The following AHCTF1 variants were observed in gnomAD, a reference collection of about 807,000 sequenced individuals.
AHCTF1 encodes the protein protein ELYS.
In AHCTF1, 24 loss-of-function variants were observed where a neutral mutation model predicts 248.4. The ratio of observed to expected loss-of-function variants is 0.10; its 90% CI spans 0.07 to 0.14. The LOEUF is 0.14. Among genes scored for constraint, AHCTF1 ranks in the 10% least tolerant of loss-of-function variants. The pLI, the probability that AHCTF1 is intolerant of heterozygous loss-of-function variation, is 1.00. For synonymous variants in AHCTF1, 786 were observed against 929.8 expected (o/e 0.85, Z 2.81); for missense variants, 2,206 against 2,636.2 (o/e 0.84, Z 3.57).
chr1:246,903,837 CAA>C (rs34620854), intron 7 of AHCTF1, 110 bp downstream of exon 7: 59,411 of 610,856 alleles, frequency 0.097, 1 homozygote, highest in South Asian at 0.13. Flanking sequence ...GACTCTGTCT[CAA>C]AAAAAAAAAA....
intron 3 of AHCTF1, 37 bp downstream of exon 3, chr1:246,916,105 G>T (rs969394564): frequency 7.6e-6 from 12 of 1,587,820 alleles, no homozygotes; most frequent in Non-Finnish European, 1.0e-5. Flanking sequence ...GTTCAGTTTT[G>T]AAAGAGAAAT....
intron 8 of AHCTF1, 113 bp downstream of exon 8, chr1:246,902,412 T>C (rs1665068577): frequency 7.6e-7 from 1 of 1,317,408 alleles, no homozygotes; most frequent in African/African-American, 1.5e-5. Context: ...TAAATTCCGT[T>C]AATTACTATT....
chr1:246,924,360 C>T (rs553970951), intron 1 of AHCTF1, among the ~76,000 whole-genome samples: 1 of 152,162 alleles, frequency 6.6e-6, no homozygotes, highest in East Asian at 1.9e-4. Context: ...ACAGAGATAT[C>T]TGAAATATTC....
In AHCTF1 at chr1:246,849,916, G is replaced by T. The variant is rs1454584852; in HGVS notation, c.6090C>A (p.Ser2030=). The T allele has an allele frequency of 1.2e-6, 2 of 1,613,928 alleles. No individual in the cohort carries two copies. The highest frequency in any genetic ancestry group is 1.7e-6 in the Non-Finnish European group (2 of 1,179,856). ...VDVGKPALGK[S]ILVPNEELSM... ...AAAGTTCCTCGTTTGGCACTAAAAT[G>T]GATTTTCCTAAAGCTGGTTTTCCAA... The change falls in exon 33 of 36, where the codon TCC becomes TCA. Residue 2030 remains serine, a synonymous_variant. Coordinates refer to ENST00000648844, the MANE Select transcript of AHCTF1 (RefSeq NM_001323342.2).
intron 14 of AHCTF1, among the ~76,000 whole-genome samples, chr1:246,894,388 C>T (rs946091648): frequency 4.6e-5 from 7 of 152,144 alleles, no homozygotes; most frequent in South Asian, 2.1e-4. Flanking sequence ...CTGGCTAACA[C>T]GGTGAAACCC....
chr1:246,844,988 T>C (rs1660145352), intron 33 of AHCTF1, among the ~76,000 whole-genome samples: 1 of 152,150 alleles, frequency 6.6e-6, no homozygotes, highest in Admixed American at 6.5e-5. Context: ...ATAGGGTTAA[T>C]AGTAGCATCT....
chr1:246,860,883 A>AGAAAT lies in AHCTF1; in HGVS notation c.4132+11_4132+15dup. 1 of 1,594,830 alleles carries AGAAAT rather than the reference A, an allele frequency of 6.3e-7. No individual in the cohort carries two copies. Among genetic ancestry groups the AGAAAT allele is most frequent in the Middle Eastern group, 1.7e-4 (1 of 5,950 alleles). On this transcript the variant is annotated intron_variant, in intron 29 of 35. Transcript: ENST00000648844. Reference sequence around the variant, plus strand: ...ACATTAATAACAATTTTGAGTATTCAGAAATGAGTTCTTACCCATTTGTTT... The same window carrying AGAAAT: ...ACATTAATAACAATTTTGAGTATTCAGAAATGAAATGAGTTCTTACCCATTTGTTT...
At chr1:246,867,176 A>T in intron 26 of AHCTF1, 68 bp downstream of exon 26, 1 of 764,652 alleles carries the variant, frequency 1.3e-6, no homozygotes, top group Non-Finnish European at 2.0e-6. Flanking sequence ...TGTTAAAGAT[A>T]ATTAAAAATT....
At chr1:246,928,679 C>T (rs1305142785) in intron 1 of AHCTF1, among the ~76,000 whole-genome samples, 1 of 152,158 alleles carries the variant, frequency 6.6e-6, no homozygotes, top group African/African-American at 2.4e-5. Context: ...TACACAAATT[C>T]CTGCAGTAAC....
intron 2 of AHCTF1, among the ~76,000 whole-genome samples, chr1:246,917,157 G>A (rs2103225902): frequency 6.6e-6 from 1 of 152,322 alleles, no homozygotes; most frequent in Middle Eastern, 3.4e-3. Flanking sequence ...CAGAGTAGCC[G>A]CACTGGGTGG....
chr1:246,910,033 A>C (rs1665690150), intron 4 of AHCTF1, among the ~76,000 whole-genome samples: 1 of 152,230 alleles, frequency 6.6e-6, no homozygotes, highest in Non-Finnish European at 1.5e-5. Context: ...TCACTAATTG[A>C]AACTACTAGA....
chr1:246,852,859 GGGACTATGGGCA>G (rs1660812498), intron 32 of AHCTF1, among the ~76,000 whole-genome samples: 2 of 151,936 alleles, frequency 1.3e-5, no homozygotes. Flanking sequence ...CCAAGTAGCT[GGGACTATGGGCA>G]CCCGCCACAG....
intron 20 of AHCTF1, among the ~76,000 whole-genome samples, chr1:246,886,091 G>C (rs533162268): frequency 6.6e-6 from 1 of 152,274 alleles, no homozygotes; most frequent in Non-Finnish European, 1.5e-5. Context: ...AGCACTTTGG[G>C]AGGCTGAGGT....
rs932614601 is a variant in AHCTF1, at chr1:246,868,612, A to T, written c.3089-801T>A. On this transcript the variant is annotated intron_variant, in intron 24 of 35. Coordinates refer to ENST00000648844, the MANE Select transcript of AHCTF1 (RefSeq NM_001323342.2). ...GGAAGTTGGGCTTTTGGTAAGTGGT[A>T]AAAAAAAAAAAAAAAAAAGTTATTC... Among the ~76,000 whole-genome samples the T allele has an allele frequency of 6.7e-4, 26 of 38,550 alleles. No homozygotes were observed. The African/African-American group carries it at 0.018, about 26-fold the overall frequency. 25.3% of individuals were successfully genotyped at this position (38,550 alleles called of 152,430 possible). A position where few individuals can be genotyped will look rare whatever the true frequency, so the allele number is the denominator to read the frequency against.
chr1:246,891,417 A>C (rs935025373), intron 15 of AHCTF1, among the ~76,000 whole-genome samples: 5 of 152,204 alleles, frequency 3.3e-5, no homozygotes, highest in African/African-American at 1.2e-4. Flanking sequence ...AGATTGTTCA[A>C]AACAGGCATT....
At position 246,855,086 on chromosome 1, in the gene AHCTF1, A is replaced by T. The variant is rs544773660; in HGVS notation, c.4354+644T>A. ...TTCATAATGTACCAGGAACAAAGGC[A>T]TAACAGTTGAGAGCATGGGCTCTAG... On this transcript the variant is annotated intron_variant, in intron 31 of 35. Transcript: ENST00000648844. Among the ~76,000 whole-genome samples, 31 of 152,396 alleles carry T rather than the reference A, an allele frequency of 2.0e-4. No individual in the cohort carries two copies. The East Asian group carries it at 2.5e-3, about 12-fold the overall frequency.
intron 4 of AHCTF1, among the ~76,000 whole-genome samples, chr1:246,912,269 G>A (rs1207912755): frequency 6.6e-6 from 1 of 151,632 alleles, no homozygotes; most frequent in Middle Eastern, 3.2e-3. Context: ...AAGGTCAAGA[G>A]ATCGAGACCA....
intron 13 of AHCTF1, among the ~76,000 whole-genome samples, chr1:246,895,450 C>CA (rs1664507841): frequency 6.6e-6 from 1 of 152,068 alleles, no homozygotes; most frequent in African/African-American, 2.4e-5. Context: ...CAGTGATACA[C>CA]ACAACAATTT....
intron 24 of AHCTF1, among the ~76,000 whole-genome samples, chr1:246,869,090 C>A (rs567379852): frequency 6.0e-4 from 90 of 151,212 alleles, no homozygotes; most frequent in Non-Finnish European, 9.0e-4. Context: ...GTGATCCGCC[C>A]GCCTTGGCCT....
Sources: allele counts gnomAD v4.1 joint callset (sites outside exome capture counted in the v4.1 genomes callset), GRCh38; gene constraint gnomAD v4.1.1; transcripts MANE v1.5; gene names NCBI Gene and HGNC (gene_info 2026-07-23, HGNC 2026-07-21).